NDUFAF6: variants seen among roughly 807,000 people sequenced by gnomAD.
NDUFAF6 encodes the protein NADH dehydrogenase (ubiquinone) complex I, assembly factor 6.
Under a neutral mutation model 40.8 loss-of-function variants are expected in NDUFAF6, and 45 were observed. The ratio of observed to expected loss-of-function variants is 1.10; its 90% CI spans 0.87 to 1.42. The LOEUF is 1.42. NDUFAF6 is among the 40% of genes most tolerant of loss of function. The pLI, the probability that NDUFAF6 is intolerant of heterozygous loss-of-function variation, is 0.00. For synonymous variants in NDUFAF6, 185 were observed against 155.9 expected, an observed-to-expected ratio of 1.19 and a Z score of -1.39; for missense variants, 435 against 418.5, an observed-to-expected ratio of 1.04 and a Z score of -0.34.
upstream of NDUFAF6, among the ~76,000 whole-genome samples, chr8:95,096,938 T>C (rs1386585352): frequency 6.6e-6 from 1 of 152,188 alleles, no homozygotes; most frequent in Non-Finnish European, 1.5e-5. Flanking sequence ...AGAGATGTTG[T>C]GCAATTTCAG....
chr8:94,967,838 G>A (rs2131513963), intron 1 of NDUFAF6, among the ~76,000 whole-genome samples: 1 of 152,208 alleles, frequency 6.6e-6, no homozygotes, highest in Admixed American at 6.5e-5. Context: ...CTACTTGGAA[G>A]GCTGAGGCAG....
At chr8:95,100,519 C>G (rs1362386012) in exon 1 of NDUFAF6, 2 of 152,174 alleles carry the variant, frequency 1.3e-5, no homozygotes, top group African/African-American at 4.8e-5. Context: ...TACTGTGTTA[C>G]TGATTTACTG....
At position 94,930,578 on chromosome 8, in the gene NDUFAF6, G is replaced by T. The variant is rs138400077; in HGVS notation, c.-935-14905G>T. 20 of 1,614,104 alleles carry T rather than the reference G, an allele frequency of 1.2e-5. No homozygotes were observed. In the South Asian group the frequency reaches 2.1e-4, roughly 17 times the overall value. On this transcript the variant is annotated intron_variant, in intron 1 of 14. Coordinates refer to the NDUFAF6 transcript ENST00000396113. ...CCCTGGTAAGATTTTGGCGACGAAG[G>T]CTATTTCTGTTAAGAGGCTGTCTTT...
chr8:94,987,141 C>T (rs979682102), intron 2 of NDUFAF6, among the ~76,000 whole-genome samples: 4 of 152,178 alleles, frequency 2.6e-5, no homozygotes, highest in African/African-American at 7.2e-5. Context: ...GTTTATCATT[C>T]CCATGTCTTT....
chr8:94,987,779 A>G (rs1435420620), intron 2 of NDUFAF6, among the ~76,000 whole-genome samples: 3 of 152,328 alleles, frequency 2.0e-5, no homozygotes, highest in South Asian at 2.1e-4. Context: ...ACCTCAAGGT[A>G]ACATTTTGCA....
chr8:95,027,017 G>T (rs938248102), intron 1 of NDUFAF6, among the ~76,000 whole-genome samples: 1 of 152,168 alleles, frequency 6.6e-6, no homozygotes, highest in Non-Finnish European at 1.5e-5. Flanking sequence ...TTGCACTCCA[G>T]CTGGGGCAAC....
chr8:95,051,001 T>TA, intron 7 of NDUFAF6, among the ~76,000 whole-genome samples: 1 of 152,230 alleles, frequency 6.6e-6, no homozygotes, highest in Middle Eastern at 3.4e-3. Flanking sequence ...TGTGGATCAT[T>TA]AGACTTTGGA....
At chr8:95,056,704 A>G (rs1832198491) in intron 8 of NDUFAF6, among the ~76,000 whole-genome samples, 1 of 152,010 alleles carries the variant, frequency 6.6e-6, no homozygotes, top group African/African-American at 2.4e-5. Flanking sequence ...CAGGAGTTCA[A>G]GACTAGCCTG....
intron 9 of NDUFAF6, among the ~76,000 whole-genome samples, chr8:95,064,038 A>ATTTTTTTTTT (rs1160777112): frequency 2.0e-4 from 21 of 104,810 alleles, no homozygotes; most frequent in South Asian, 3.1e-4. Context: ...CGCCTGGCTA[A>ATTTTTTTTTT]TTTTTTTTTT....
intron 2 of NDUFAF6, among the ~76,000 whole-genome samples, chr8:94,946,207 A>G (rs145378695): frequency 1.3e-5 from 2 of 151,988 alleles, no homozygotes; most frequent in East Asian, 1.9e-4. Context: ...TTTATCATCA[A>G]TGGTTTTCAT....
At chr8:94,939,916 A>C in intron 1 of NDUFAF6, 1 of 1,614,158 alleles carries the variant, frequency 6.2e-7, no homozygotes, top group Non-Finnish European at 8.5e-7. Context: ...CACTGAGACC[A>C]GGGCAGGAGT....
chr8:94,991,797 C>A (rs1242070019), intron 2 of NDUFAF6, among the ~76,000 whole-genome samples: 2 of 25,064 alleles, frequency 8.0e-5, no homozygotes, highest in Non-Finnish European at 1.4e-4. Flanking sequence ...TCATTCTTCG[C>A]CCCCCCCCCC....
chr8:95,052,256 T>C, intron 8 of NDUFAF6, 26 bp downstream of exon 8: 1 of 1,605,804 alleles, frequency 6.2e-7, no homozygotes, highest in African/African-American at 1.3e-5. Flanking sequence ...GAGAAGGCTG[T>C]ATAATTAGTG....
chr8:94,977,171 G>A (rs1825029054), intron 1 of NDUFAF6, among the ~76,000 whole-genome samples: 1 of 148,852 alleles, frequency 6.7e-6, no homozygotes, highest in South Asian at 2.1e-4. Flanking sequence ...AGGTTAAGAT[G>A]GTAAATTTTA....
rs11991800 is a variant in NDUFAF6 at position 94,940,110 on chromosome 8, A to G, written c.-935-5373A>G. 8.9e-4 allele frequency: 1,429 copies of G among 1,614,202 alleles called. 8 individuals carry two copies. The African/African-American group carries it at 0.016, about 18-fold the overall frequency. On this transcript the variant is annotated intron_variant, in intron 1 of 14. Coordinates refer to the NDUFAF6 transcript ENST00000396113. ...CAGGAATCACTTGTATCAGCCAAGCACTCAAGAGATGCCGGTAAACAGGAA... is the reference window on the plus strand; with the variant it reads ...CAGGAATCACTTGTATCAGCCAAGCGCTCAAGAGATGCCGGTAAACAGGAA...
In NDUFAF6 at chr8:95,025,105, A is replaced by C; in HGVS notation, c.97A>C (p.Met33Leu). The C allele has an allele frequency of 6.7e-7, 1 of 1,482,394 alleles. No individual in the cohort carries two copies. Among genetic ancestry groups the C allele is most frequent in the Non-Finnish European group, 8.9e-7 (1 of 1,126,804 alleles). The allele number at this position is 1,482,394 out of a possible 1,614,324, so 91.8% of individuals were successfully genotyped here. A position where few individuals can be genotyped will look rare whatever the true frequency, so the allele number is the denominator to read the frequency against. ...GCCGCCTCTGGGTCTGTACGCGCGC[A>C]TGCGGCGGCTGCCCGGGCCGGAGGT... ...RRPPLGLYAR[M>L]RRLPGPEVSG... The change falls in exon 1 of 9, where the codon ATG (methionine) becomes CTG (leucine). Residue 33 changes from methionine (M) to leucine (L), a missense_variant. By Grantham distance (15) the Met-to-Leu change is conservative. Transcript: ENST00000396124.
chr8:95,114,179 A>AAACAAAG (rs1174034078), intron 4 of NDUFAF6, among the ~76,000 whole-genome samples: 5 of 57,310 alleles, frequency 8.7e-5, no homozygotes, highest in African/African-American at 3.9e-4. Flanking sequence ...AACAAACAAA[A>AAACAAAG]AATGAATGGT....
intron 4 of NDUFAF6, among the ~76,000 whole-genome samples, chr8:95,113,090 G>A (rs912782739): frequency 6.6e-6 from 1 of 152,222 alleles, no homozygotes; most frequent in African/African-American, 2.4e-5. Flanking sequence ...AGGAAACTGA[G>A]ACTGACTGAA....
chr8:94,916,853 AC>A lies in NDUFAF6; in HGVS notation c.-936+20928del, dbSNP rs1357370487. Among the ~76,000 whole-genome samples the A allele has an allele frequency of 2.6e-4, 37 of 143,036 alleles. 1 individual carries two copies. Among genetic ancestry groups the A allele is most frequent in the African/African-American group, 2.6e-5 (1 of 38,296 alleles). The allele number at this position is 143,036 out of a possible 152,430, so 93.8% of individuals were successfully genotyped here. On this transcript the variant is annotated intron_variant, in intron 1 of 14. Transcript: ENST00000396113. Reference sequence around the variant, plus strand: ...AAAAAGGCCGGGCGCGGTGGCTCACACCTGTAATCCCAGCACTTTGGGAGGC... The same window carrying A: ...AAAAAGGCCGGGCGCGGTGGCTCACACTGTAATCCCAGCACTTTGGGAGGC...
Sources: allele counts gnomAD v4.1 joint callset (sites outside exome capture counted in the v4.1 genomes callset), GRCh38; gene constraint gnomAD v4.1.1; transcripts MANE v1.5; gene names NCBI Gene and HGNC (gene_info 2026-07-23, HGNC 2026-07-21).